MIPOL1: variants seen among roughly 807,000 people sequenced by gnomAD.
MIPOL1 encodes the protein mirror-image polydactyly gene 1 protein.
Under a neutral mutation model 60.9 loss-of-function variants are expected in MIPOL1, and 57 were observed. The observed-to-expected ratio is 0.94, with a 90% CI of 0.76 to 1.17. The LOEUF (loss-of-function observed/expected upper bound fraction) is 1.17. Ranked by LOEUF, MIPOL1 falls within the 50% of genes most tolerant of loss-of-function variation. The probability of loss-of-function intolerance (pLI) is 0.00; values close to 1 mark genes in which losing one functional copy is unlikely to be tolerated. For synonymous variants in MIPOL1, 179 were observed against 168.8 expected (o/e 1.06, Z -0.47); for missense variants, 551 against 511.6 (o/e 1.08, Z -0.74).
At chr14:37,542,421 T>C (rs2095533300) in intron 12 of MIPOL1, among the ~76,000 whole-genome samples, 1 of 152,186 alleles carries the variant, frequency 6.6e-6, no homozygotes, top group African/African-American at 2.4e-5. Flanking sequence ...GAAAGTAAAA[T>C]GTAGTATGGC....
chr14:37,224,908 G>T (rs577792645), intron 1 of MIPOL1, among the ~76,000 whole-genome samples: 1 of 152,162 alleles, frequency 6.6e-6, no homozygotes, highest in Non-Finnish European at 1.5e-5. Context: ...TATAAAGGGG[G>T]TATAGGCATT....
At chr14:37,419,422 A>G (rs2153547257) in intron 10 of MIPOL1, among the ~76,000 whole-genome samples, 1 of 152,308 alleles carries the variant, frequency 6.6e-6, no homozygotes, top group East Asian at 1.9e-4. Flanking sequence ...AGACTGGATA[A>G]CTTTGTCAAA....
intron 12 of MIPOL1, among the ~76,000 whole-genome samples, chr14:37,509,458 C>T (rs1256528063): frequency 6.6e-6 from 1 of 151,740 alleles, no homozygotes; most frequent in Non-Finnish European, 1.5e-5. Flanking sequence ...AACATACTTC[C>T]CCCAAACTCA....
chr14:37,355,554 T>C (rs1227960120), intron 9 of MIPOL1, among the ~76,000 whole-genome samples: 3 of 149,764 alleles, frequency 2.0e-5, no homozygotes, highest in Non-Finnish European at 4.5e-5. Context: ...CAATGAGACG[T>C]AGATTTGGTC....
intron 9 of MIPOL1, among the ~76,000 whole-genome samples, chr14:37,318,205 A>G (rs1232244785): frequency 2.0e-5 from 3 of 152,194 alleles, no homozygotes; most frequent in Non-Finnish European, 4.4e-5. Flanking sequence ...AGCAGAGGAA[A>G]TAATCAAATA....
chr14:37,406,982 A>C (rs962102861), intron 10 of MIPOL1, among the ~76,000 whole-genome samples: 3 of 152,140 alleles, frequency 2.0e-5, no homozygotes, highest in Admixed American at 6.6e-5. Context: ...TATCTTTTGA[A>C]TTAGGGTTCT....
chr14:37,460,391 G>C (rs1191162150), intron 11 of MIPOL1, among the ~76,000 whole-genome samples: 2 of 151,968 alleles, frequency 1.3e-5, no homozygotes, highest in Admixed American at 1.3e-4. Flanking sequence ...ATATACAACA[G>C]ACCCACAGCC....
intron 9 of MIPOL1, among the ~76,000 whole-genome samples, chr14:37,320,025 GC>G (rs1220873768): frequency 1.3e-5 from 2 of 152,052 alleles, no homozygotes; most frequent in African/African-American, 2.4e-5. Flanking sequence ...GTGTGAATAT[GC>G]CATGATTTAT....
chr14:37,367,564 C>CT (rs2092513387), intron 9 of MIPOL1, among the ~76,000 whole-genome samples: 2 of 152,036 alleles, frequency 1.3e-5, no homozygotes, highest in South Asian at 4.1e-4. Context: ...TAAGTTTCTA[C>CT]TTTCATTTCT....
At chr14:37,237,351 C>T (rs1360736769) in intron 1 of MIPOL1, among the ~76,000 whole-genome samples, 1 of 152,082 alleles carries the variant, frequency 6.6e-6, no homozygotes, top group African/African-American at 2.4e-5. Flanking sequence ...TCCCACTGCA[C>T]CAGGTAGGGG....
At chr14:37,464,524 C>A (rs1326237385) in intron 11 of MIPOL1, among the ~76,000 whole-genome samples, 1 of 151,962 alleles carries the variant, frequency 6.6e-6, no homozygotes, top group Non-Finnish European at 1.5e-5. Flanking sequence ...TAAGTGGGAG[C>A]TAAACAATGG....
intron 10 of MIPOL1, among the ~76,000 whole-genome samples, chr14:37,416,331 A>C (rs2093768508): frequency 6.6e-6 from 1 of 152,144 alleles, no homozygotes; most frequent in Non-Finnish European, 1.5e-5. Flanking sequence ...GTCATGTATC[A>C]CTTACAGTGG....
intron 7 of MIPOL1, among the ~76,000 whole-genome samples, chr14:37,296,367 T>G (rs1395060371): frequency 6.6e-6 from 1 of 151,896 alleles, no homozygotes; most frequent in Non-Finnish European, 1.5e-5. Flanking sequence ...GATCTAAAAT[T>G]GACACCCTAA....
At position 37,197,949 on chromosome 14, in the gene MIPOL1, C is replaced by G. The variant is rs1336626048; in HGVS notation, c.-354C>G. ...GCCGCCGCCCCGTAGGCCCCACGCG[C>G]CGCCCCGCTCCTCCGCCGGATCGTC... On this transcript the variant is annotated 5_prime_UTR_variant, in exon 1 of 13. Coordinates refer to ENST00000684589, the MANE Select transcript of MIPOL1 (RefSeq NM_001388067.1). The G allele has an allele frequency of 6.6e-6, 1 of 152,162 alleles. No individual in the cohort carries two copies. Among genetic ancestry groups the G allele is most frequent in the African/African-American group, 2.4e-5 (1 of 41,432 alleles). 9.4% of individuals were successfully genotyped at this position (152,162 alleles called of 1,614,324 possible).
intron 10 of MIPOL1, among the ~76,000 whole-genome samples, chr14:37,420,567 C>T (rs2093854053): frequency 6.6e-6 from 1 of 151,928 alleles, no homozygotes; most frequent in African/African-American, 2.4e-5. Context: ...AAGTAAAGAG[C>T]ACATTTAAAT....
chr14:37,262,790 C>G (rs1006606388), intron 3 of MIPOL1, among the ~76,000 whole-genome samples: 2 of 152,080 alleles, frequency 1.3e-5, no homozygotes, highest in Non-Finnish European at 2.9e-5. Flanking sequence ...CTGAGTAACC[C>G]CAGTGGGAAC....
chr14:37,381,921 A>G (rs2092936000), intron 10 of MIPOL1, among the ~76,000 whole-genome samples: 1 of 151,880 alleles, frequency 6.6e-6, no homozygotes, highest in Non-Finnish European at 1.5e-5. Flanking sequence ...GAATTTGAAA[A>G]CTTGCCTAGT....
chr14:37,299,011 T>C (rs568083414), intron 7 of MIPOL1, among the ~76,000 whole-genome samples: 3,114 of 151,452 alleles, frequency 0.021, 31 homozygotes, highest in Non-Finnish European at 0.032. Context: ...ATGTTTATTG[T>C]GGCACTATTC....
At chr14:37,343,896 A>G (rs2090754217) in intron 9 of MIPOL1, among the ~76,000 whole-genome samples, 1 of 152,156 alleles carries the variant, frequency 6.6e-6, no homozygotes, top group South Asian at 2.1e-4. Context: ...CCTTCTTAAC[A>G]GTGAGCTTAG....
Sources: gnomAD v4.1 joint callset for allele counts (sites outside exome capture counted in the v4.1 genomes callset) on GRCh38, gnomAD v4.1.1 for gene constraint, MANE v1.5 for transcripts, NCBI Gene and HGNC (gene_info 2026-07-23, HGNC 2026-07-21) for gene names.